RFC3: variants seen among roughly 807,000 people sequenced by gnomAD.
RFC3 encodes A1 38 kDa subunit.
In RFC3, 41 loss-of-function variants were observed where a neutral mutation model predicts 45.1. The observed-to-expected ratio is 0.91, with a 90% CI of 0.71 to 1.18. The LOEUF is 1.18. Among genes scored for constraint, RFC3 ranks in the 50% most tolerant of loss-of-function variants. RFC3 has a pLI of 0.00. For missense variants in RFC3, 423 were observed against 428.1 expected, an observed-to-expected ratio of 0.99 and a Z score of 0.10; for synonymous variants, 149 against 144.0, an observed-to-expected ratio of 1.03 and a Z score of -0.25.
chr13:33,920,504 C>T (rs1347337292), intron 8 of RFC3, among the ~76,000 whole-genome samples: 1 of 145,628 alleles, frequency 6.9e-6, no homozygotes, highest in Non-Finnish European at 1.5e-5. Context: ...CCATGGTTCA[C>T]TGCAGCCTGG....
intron 8 of RFC3, among the ~76,000 whole-genome samples, chr13:33,940,572 C>G (rs2082916794): frequency 6.6e-6 from 1 of 152,028 alleles, no homozygotes; most frequent in South Asian, 2.1e-4. Flanking sequence ...GTTGTCATAG[C>G]CATTATCTTA....
chr13:33,929,002 G>T (rs1294371894), intron 8 of RFC3, among the ~76,000 whole-genome samples: 3 of 152,002 alleles, frequency 2.0e-5, no homozygotes, highest in Non-Finnish European at 4.4e-5. Context: ...TTTGGCCTTT[G>T]CCCATTCTAA....
intron 8 of RFC3, among the ~76,000 whole-genome samples, chr13:33,874,057 T>A (rs1466932621): frequency 6.6e-6 from 1 of 152,228 alleles, no homozygotes; most frequent in Non-Finnish European, 1.5e-5. Flanking sequence ...TGCAACATTT[T>A]CAAAGCATCC....
chr13:33,938,805 A>G (rs1476281334), intron 8 of RFC3, among the ~76,000 whole-genome samples: 1 of 152,046 alleles, frequency 6.6e-6, no homozygotes, highest in Admixed American at 6.6e-5. Flanking sequence ...GTCATTGGGG[A>G]TGCATGTGTT....
At position 33,938,774 on chromosome 13, in the gene RFC3, T is replaced by C. The variant is rs1383125707; in HGVS notation, c.880-27313T>C. ...AAATGTATGCATTTCTGTTGAGTGC[T>C]TCTGAAGAGTGGAAAGCTGGGTCAT... On this transcript the variant is annotated intron_variant, in intron 8 of 8. Transcript: ENST00000434425. Among the ~76,000 whole-genome samples the C allele has an allele frequency of 4.6e-5, 7 of 152,302 alleles. No individual in the cohort carries two copies. In the East Asian group the frequency reaches 1.3e-3, roughly 29 times the overall value.
chr13:33,830,621 A>G, intron 5 of RFC3, 98 bp from the exon 6 acceptor site: 1 of 859,112 alleles, frequency 1.2e-6, no homozygotes, highest in Non-Finnish European at 1.7e-6. Context: ...AAGAATTTTG[A>G]GAGTAATACA....
chr13:33,877,509 A>T (rs2082455976), intron 8 of RFC3, among the ~76,000 whole-genome samples: 1 of 152,194 alleles, frequency 6.6e-6, no homozygotes, highest in African/African-American at 2.4e-5. Context: ...AAGGAATATG[A>T]ATGTCATTCT....
At position 33,842,727 on chromosome 13, in the gene RFC3, C is replaced by T. The variant is rs1222310930; in HGVS notation, c.879+7510C>T. On this transcript the variant is annotated intron_variant, in intron 8 of 8. Coordinates refer to the RFC3 transcript ENST00000434425. ...GCCAGAATGATGGTATAGAGTTGACCTTACTGGTTGCTTTATATATTTTGT... is the reference window on the plus strand; with the variant it reads ...GCCAGAATGATGGTATAGAGTTGACTTTACTGGTTGCTTTATATATTTTGT... Among the ~76,000 whole-genome samples the T allele has an allele frequency of 2.6e-5, 4 of 152,170 alleles. No individual in the cohort carries two copies. In the East Asian group the frequency reaches 5.8e-4, roughly 22 times the overall value.
rs544546539 is a variant in RFC3 at position 33,944,028 on chromosome 13, C to A, written c.880-22059C>A. On this transcript the variant is annotated intron_variant, in intron 8 of 8. Coordinates refer to the RFC3 transcript ENST00000434425. ...GTAGAGGGTAAGATTTGACTCCAAGCTGCTTGGCCCTAGAGCATAAGCACT... is the reference window on the plus strand; with the variant it reads ...GTAGAGGGTAAGATTTGACTCCAAGATGCTTGGCCCTAGAGCATAAGCACT... 2.6e-5 allele frequency among the ~76,000 whole-genome samples: 4 copies of A among 152,220 alleles called. No homozygotes were observed. In the East Asian group the frequency reaches 5.8e-4, roughly 22 times the overall value.
Position 33,925,131 on chromosome 13 carries a change from T to TATATAGTGTACATATATACAC in RFC3, c.880-40956_880-40955insATATAGTGTACATATATACAC, listed in dbSNP as rs1566030557. ...CGCATATATAGTGTACATATATACA[T>TATATAGTGTACATATATACAC]GCATATATAGTGTACTATATACATA... On this transcript the variant is annotated intron_variant, in intron 8 of 8. Coordinates refer to the RFC3 transcript ENST00000434425. Among the ~76,000 whole-genome samples, 12 of 143,684 alleles carry TATATAGTGTACATATATACAC rather than the reference T, an allele frequency of 8.4e-5. No individual in the cohort carries two copies. The East Asian group carries it at 1.3e-3, about 15-fold the overall frequency. 94.3% of individuals were successfully genotyped at this position (143,684 alleles called of 152,430 possible). A position where few individuals can be genotyped will look rare whatever the true frequency, so the allele number is the denominator to read the frequency against.
At chr13:33,877,151 A>G (rs1354044083) in intron 8 of RFC3, among the ~76,000 whole-genome samples, 1 of 152,176 alleles carries the variant, frequency 6.6e-6, no homozygotes, top group Non-Finnish European at 1.5e-5. Context: ...TAGCAGCCAC[A>G]TTTTTACCTG....
At chr13:33,829,645 A>C in intron 4 of RFC3, 191 bp from the exon 5 acceptor site, 1 of 600,740 alleles carries the variant, frequency 1.7e-6, no homozygotes, top group African/African-American at 1.9e-5. Flanking sequence ...GAGAAACTGG[A>C]GTATGATTGT....
intron 8 of RFC3, among the ~76,000 whole-genome samples, chr13:33,903,203 C>T (rs1443761052): frequency 6.6e-6 from 1 of 152,084 alleles, no homozygotes; most frequent in African/African-American, 2.4e-5. Flanking sequence ...CTGTCACTTT[C>T]TCAGGTCTAG....
the RFC3 span, among the ~76,000 whole-genome samples, chr13:33,972,456 C>T: frequency 1.3e-5 from 2 of 152,132 alleles, no homozygotes; most frequent in East Asian, 3.9e-4. Flanking sequence ...TGTTTAGCAC[C>T]TGAAGATTCC....
chr13:33,919,930 A>G (rs1186405262), intron 8 of RFC3, among the ~76,000 whole-genome samples: 1 of 152,118 alleles, frequency 6.6e-6, no homozygotes, highest in African/African-American at 2.4e-5. Context: ...GAGAGTCATA[A>G]CCTCATTGGG....
rs573541429 is a variant in RFC3 at position 33,830,060 on chromosome 13, T to C, written c.573+43T>C. The C allele has an allele frequency of 1.3e-5, 20 of 1,507,502 alleles. 1 individual carries two copies. In the South Asian group the frequency reaches 1.7e-4, roughly 13 times the overall value. The allele number at this position is 1,507,502 out of a possible 1,614,324, so 93.4% of individuals were successfully genotyped here. A position where few individuals can be genotyped will look rare whatever the true frequency, so the allele number is the denominator to read the frequency against. On this transcript the variant is annotated intron_variant, in intron 5 of 8. Coordinates refer to ENST00000380071, the MANE Select transcript of RFC3 (RefSeq NM_002915.4). ...TTTCTGAAAAATAAATCAGTTCAGA[T>C]TCTCTGAATATTGTATGCTTGTTGT...
intron 8 of RFC3, among the ~76,000 whole-genome samples, chr13:33,917,861 A>C (rs536391267): frequency 5.3e-5 from 8 of 152,116 alleles, no homozygotes; most frequent in African/African-American, 1.2e-4. Context: ...TGTTTAAAAA[A>C]AAACAAACAA....
At chr13:33,841,178 C>T (rs956526581), downstream of RFC3, among the ~76,000 whole-genome samples, 3 of 152,216 alleles carry the variant, frequency 2.0e-5, no homozygotes, top group African/African-American at 7.2e-5. Flanking sequence ...GCCTGATGAT[C>T]TGAGATGGAA....
intron 7 of RFC3, among the ~76,000 whole-genome samples, chr13:33,834,324 A>ATATATATATC (rs2082132055): frequency 2.2e-5 from 3 of 135,978 alleles, no homozygotes; most frequent in Admixed American, 2.2e-4. Flanking sequence ...ATATATATAT[A>ATATATATATC]TATATATCTG....
Sources: gnomAD v4.1 joint callset for allele counts (sites outside exome capture counted in the v4.1 genomes callset) on GRCh38, gnomAD v4.1.1 for gene constraint, MANE v1.5 for transcripts, NCBI Gene and HGNC (gene_info 2026-07-23, HGNC 2026-07-21) for gene names.